CACTIN: variants seen among roughly 807,000 people sequenced by gnomAD.
CACTIN encodes cactin, spliceosome C complex subunit.
A neutral mutation model predicts 84.9 loss-of-function variants in CACTIN; 20 were observed. The observed-to-expected ratio is 0.24, with a 90% CI of 0.17 to 0.34. CACTIN has a LOEUF of 0.34. Ranked by LOEUF, CACTIN falls within the 10% of genes least tolerant of loss-of-function variation. The pLI is 1.00. For missense variants in CACTIN, 897 were observed against 1,117.2 expected (o/e 0.80, Z 2.81); for synonymous variants, 549 against 467.9 (o/e 1.17, Z -2.24).
chr19:3,623,454 G>A (rs369437072), intron 2 of CACTIN, among the ~76,000 whole-genome samples: 1 of 146,600 alleles, frequency 6.8e-6, no homozygotes, highest in Admixed American at 6.8e-5. Flanking sequence ...GCATGAACCC[G>A]GGAGGTGGAG....
At chr19:3,620,843 C>G in intron 2 of CACTIN, 41 bp from the exon 3 acceptor site, 1 of 1,482,360 alleles carries the variant, frequency 6.7e-7, no homozygotes. Flanking sequence ...ACAGACCCGC[C>G]CCCTCGCCCC....
At position 3,614,608 on chromosome 19, in the gene CACTIN, A is replaced by AT; in HGVS notation, c.1163-20dup. On this transcript the variant is annotated intron_variant, in intron 6 of 9. Coordinates refer to ENST00000429344, the MANE Select transcript of CACTIN (RefSeq NM_001080543.2). ...CGCTCACCTGCAGCGGGGTGGGGGC[A>AT]TGGGGGGGCGGTTCCACATTTCCTA... 1.9e-6 allele frequency: 3 copies of AT among 1,579,304 alleles called. No homozygotes were observed. The highest frequency in any genetic ancestry group is 4.6e-5 in the East Asian group (2 of 43,164).
At chr19:3,618,326 C>T (rs909426534) in intron 6 of CACTIN, among the ~76,000 whole-genome samples, 1 of 152,112 alleles carries the variant, frequency 6.6e-6, no homozygotes, top group South Asian at 2.1e-4. Flanking sequence ...GTGTCCAGGA[C>T]GGCCCCACCC....
intron 6 of CACTIN, among the ~76,000 whole-genome samples, chr19:3,618,179 G>A (rs963828494): frequency 6.4e-5 from 2 of 31,184 alleles, no homozygotes; most frequent in Admixed American, 8.2e-4. Context: ...TTTTAGACCG[G>A]GGGGGGGGGG....
rs767283947 is a variant in CACTIN, at chr19:3,612,082, G to A, written c.2118C>T (p.Ala706=). Residue 706 remains alanine, a synonymous_variant, in exon 10 of 10, where the codon GCC becomes GCT. Coordinates refer to ENST00000429344, the MANE Select transcript of CACTIN (RefSeq NM_001080543.2). ...GCGGCCCCGCGTGGAAGCGCAGGAT[G>A]GCGAAATCCTTGTTGTCGGCGCAGG... is the stretch of plus-strand genomic sequence containing the variant. ...LEACADNKDF[A]ILRFHAGPPY... 23 of 1,613,872 alleles carry A rather than the reference G, an allele frequency of 1.4e-5. No individual in the cohort carries two copies. The highest frequency in any genetic ancestry group is 1.9e-5 in the Non-Finnish European group (23 of 1,179,884).
chr19:3,613,379 G>T lies in CACTIN; in HGVS notation c.1479-14C>A. The T allele has an allele frequency of 1.3e-6, 2 of 1,527,712 alleles. No homozygotes were observed. Among genetic ancestry groups the T allele is most frequent in the Non-Finnish European group, 1.8e-6 (2 of 1,141,054 alleles). The allele number at this position is 1,527,712 out of a possible 1,614,324, so 94.6% of individuals were successfully genotyped here. Reference sequence around the variant, plus strand: ...TCAGGCTCCAGGCTGGGAGGAGAGAGCGTTGGAGGCGCGGAGGCTGCCCAC... The same window carrying T: ...TCAGGCTCCAGGCTGGGAGGAGAGATCGTTGGAGGCGCGGAGGCTGCCCAC... On this transcript the variant is annotated splice_polypyrimidine_tract_variant and intron_variant, in intron 8 of 9. Coordinates refer to ENST00000429344, the MANE Select transcript of CACTIN (RefSeq NM_001080543.2).
rs759027582 is a variant in CACTIN at position 3,623,805 on chromosome 19, C to T, written c.525G>A (p.Glu175=). 1 of 1,613,838 alleles carries T rather than the reference C, an allele frequency of 6.2e-7. No homozygotes were observed. Among genetic ancestry groups the T allele is most frequent in the South Asian group, 1.1e-5 (1 of 91,084 alleles). The change falls in exon 2 of 10, where the codon GAG becomes GAA. Residue 175 remains glutamate (E), a synonymous_variant. Coordinates refer to ENST00000429344, the MANE Select transcript of CACTIN (RefSeq NM_001080543.2). ...TCTCCCGCTTCTTGCGCTCCTTGGCCTCCTTCTTGGCCAGCCGCCGTGCGC... is the reference window on the plus strand; with the variant it reads ...TCTCCCGCTTCTTGCGCTCCTTGGCTTCCTTCTTGGCCAGCCGCCGTGCGC... ...EKRARRLAKK[E]AKERKKREKM... is the part of the protein sequence containing the mutation.
At chr19:3,625,822 C>A (rs1304278239) in intron 1 of CACTIN, among the ~76,000 whole-genome samples, 1 of 152,244 alleles carries the variant, frequency 6.6e-6, no homozygotes, top group Non-Finnish European at 1.5e-5. Flanking sequence ...GGGGCTGAGC[C>A]AGCACTGGGG....
At chr19:3,614,703 A>G in intron 6 of CACTIN, 114 bp from the exon 7 acceptor site, 1 of 810,874 alleles carries the variant, frequency 1.2e-6, no homozygotes, top group Non-Finnish European at 2.0e-6. Flanking sequence ...CTCTTCCCCC[A>G]CAGGGGTCCC....
In CACTIN at chr19:3,623,719, T is replaced by C; in HGVS notation, c.611A>G (p.Asn204Ser). Residue 204 changes from asparagine (N) to serine (S), a missense_variant, in exon 2 of 10, where the codon AAC becomes AGC. Physicochemically the swap from Asn to Ser is conservative, Grantham distance 46. This residue lies in a region of CACTIN where 304 missense variants were observed against 444.3 expected (regional missense o/e 0.68). Transcript: ENST00000429344. ...CCAGATGAAGGTGCCCAGCAGGTTG[T>C]TGTCTCCGAAGGGGTTGTCGGTGTT... ...YTNTDNPFGD[N>S]NLLGTFIWNK... is the part of the protein sequence containing the mutation. 3 of 1,612,462 alleles carry C rather than the reference T, an allele frequency of 1.9e-6. No individual in the cohort carries two copies. Among genetic ancestry groups the C allele is most frequent in the Non-Finnish European group, 2.5e-6 (3 of 1,178,938 alleles).
chr19:3,614,293 T>A, intron 7 of CACTIN, 104 bp downstream of exon 7: 2 of 1,168,784 alleles, frequency 1.7e-6, no homozygotes, highest in Non-Finnish European at 2.4e-6. Flanking sequence ...CCACCCCACA[T>A]GGTCCCAGGA....
rs1237472691 is a variant in CACTIN, at chr19:3,619,368, G to A, written c.885-126C>T. On this transcript the variant is annotated intron_variant, in intron 4 of 9. Coordinates refer to ENST00000429344, the MANE Select transcript of CACTIN (RefSeq NM_001080543.2). ...GCCTGACCCGTTGGGGGTGGTCAGG[G>A]AAGGCTTCCTGGAGGAGGAGGAGGA... is the stretch of plus-strand genomic sequence containing the variant. 12 of 1,136,442 alleles carry A rather than the reference G, an allele frequency of 1.1e-5. No homozygotes were observed. In the East Asian group the frequency reaches 2.3e-4, roughly 21 times the overall value. 70.4% of individuals were successfully genotyped at this position (1,136,442 alleles called of 1,614,324 possible).
At chr19:3,612,781 T>A in intron 9 of CACTIN, 1 of 701,362 alleles carries the variant, frequency 1.4e-6, no homozygotes, top group South Asian at 1.5e-5. Context: ...CTCCTCTGTC[T>A]TAGGACGGAG....
Position 3,611,189 on chromosome 19 carries a change from G to A in CACTIN, c.*734C>T, listed in dbSNP as rs749104807. The A allele has an allele frequency of 1.9e-5, 8 of 410,466 alleles. No individual in the cohort carries two copies. Among genetic ancestry groups the A allele is most frequent in the South Asian group, 1.4e-4 (8 of 58,556 alleles). The allele number at this position is 410,466 out of a possible 1,614,324, so 25.4% of individuals were successfully genotyped here. On this transcript the variant is annotated 3_prime_UTR_variant, in exon 10 of 10. Coordinates refer to ENST00000429344, the MANE Select transcript of CACTIN (RefSeq NM_001080543.2). ...CGGCTCAGTGACTTTTGGTTCCCAC[G>A]ACCTTGACAGAGACAGGGACCTCGA...
In CACTIN at chr19:3,626,603, C is replaced by A; in HGVS notation, c.160G>T (p.Glu54Ter). Residue 54 changes from glutamate (E) to a stop codon, truncating the protein, a stop_gained, in exon 1 of 10, where the codon GAG becomes TAG. Transcript: ENST00000429344. LOFTEE classifies it high-confidence loss of function. ...CTCCCGCAGCGACCCCACCTGCGCT[C>A]CCGGCTCCGCCGCCTCCGTCTGCGC... ...GRRRRRRRSR[E>*]RRSDSEEERW... 1 of 1,475,344 alleles carries A rather than the reference C, an allele frequency of 6.8e-7. No individual in the cohort carries two copies. Among genetic ancestry groups the A allele is most frequent in the Non-Finnish European group, 8.9e-7 (1 of 1,117,796 alleles). The allele number at this position is 1,475,344 out of a possible 1,614,324, so 91.4% of individuals were successfully genotyped here.
At chr19:3,620,364 C>T (rs2033197844) in intron 3 of CACTIN, 92 bp from the exon 4 acceptor site, 1 of 1,381,838 alleles carries the variant, frequency 7.2e-7, no homozygotes, top group African/African-American at 1.4e-5. Flanking sequence ...CAGCCTTCAC[C>T]CAGCTGCCCT....
rs1181389380 is a variant in CACTIN at position 3,620,137 on chromosome 19, CCTG to C, written c.871_873del (p.Gln291del). ...GAGGCCCCAGCGCACCGCAGCTTGG[CCTG>C]CTGGAGGTGGAAGTTGTCCTCCTGC... On this transcript the variant is annotated inframe_deletion, in exon 4 of 10. Transcript: ENST00000429344. 2 of 1,611,078 alleles carry C rather than the reference CCTG, an allele frequency of 1.2e-6. No homozygotes were observed. The highest frequency in any genetic ancestry group is 1.7e-6 in the Non-Finnish European group (2 of 1,179,766).
In CACTIN at chr19:3,612,062, C is replaced by T; in HGVS notation, c.2138G>A (p.Gly713Glu). 6.2e-7 allele frequency: 1 copy of T among 1,613,876 alleles called. No individual in the cohort carries two copies. The highest frequency in any genetic ancestry group is 1.3e-5 in the African/African-American group (1 of 75,066). Residue 713 changes from glycine (G) to glutamate (E), a missense_variant, in exon 10 of 10, where the codon GGG becomes GAG. Gly to Glu is a moderately conservative substitution (Grantham distance 98). Around this residue, in one of 8 missense-constraint regions of CACTIN, gnomAD observed 50 missense variants for 51.6 expected, o/e 0.97. Coordinates refer to ENST00000429344, the MANE Select transcript of CACTIN (RefSeq NM_001080543.2). ...GAAAGCGATGTCCTCGTAGGGCGGC[C>T]CCGCGTGGAAGCGCAGGATGGCGAA... ...KDFAILRFHA[G>E]PPYEDIAFKI... is the part of the protein sequence containing the mutation.
rs528224152 is a variant in CACTIN, at chr19:3,614,555, G to A, written c.1197C>T (p.Ser399=). 3.7e-6 allele frequency: 6 copies of A among 1,607,770 alleles called. No individual in the cohort carries two copies. The highest frequency in any genetic ancestry group is 1.3e-5 in the African/African-American group (1 of 74,830). The change falls in exon 7 of 10, where the codon AGC becomes AGT. Residue 399 remains serine (S), a synonymous_variant. Transcript: ENST00000429344. ...ERREGVNASV[S]SDVQSVFKGK... ...CCTTGAACACCGACTGCACATCAGA[G>A]CTGACGGAGGCGTTGACCCCCTCGC...
Sources: allele counts gnomAD v4.1 joint callset (sites outside exome capture counted in the v4.1 genomes callset), GRCh38; gene constraint gnomAD v4.1.1; regional missense constraint gnomAD v4.1.1; transcripts MANE v1.5; gene names NCBI Gene and HGNC (gene_info 2026-07-23, HGNC 2026-07-21).